Variants in R3HDM2 observed in about 807,000 individuals in gnomAD.
R3HDM2 encodes R3H domain-containing protein 2.
R3HDM2 carries 38 observed loss-of-function variants against 124.5 expected under a neutral mutation model. The ratio of observed to expected loss-of-function variants is 0.31; its 90% confidence interval spans 0.24 to 0.40. The LOEUF (loss-of-function observed/expected upper bound fraction) is 0.40, where lower values mean the gene tolerates loss of function less well. Among genes scored for constraint, R3HDM2 ranks in the 10% least tolerant of loss-of-function variants. The pLI is 1.00. For missense variants in R3HDM2, 869 were observed against 1,236.9 expected (o/e 0.70, Z 4.46); for synonymous variants, 391 against 448.0 (o/e 0.87, Z 1.61).
At chr12:57,355,644 A>C (rs980039625) in intron 2 of R3HDM2, among the ~76,000 whole-genome samples, 33 of 152,214 alleles carry the variant, frequency 2.2e-4, no homozygotes, top group African/African-American at 7.7e-4. Flanking sequence ...TCCAACTTTA[A>C]TCTTCATTTT....
intron 2 of R3HDM2, among the ~76,000 whole-genome samples, chr12:57,395,372 T>C (rs546422504): frequency 1.3e-5 from 2 of 151,376 alleles, no homozygotes; most frequent in African/African-American, 4.8e-5. Flanking sequence ...GGCGTGGTGG[T>C]GCATGCCTGT....
intron 1 of R3HDM2, among the ~76,000 whole-genome samples, chr12:57,403,480 G>A (rs185118182): frequency 1.2e-4 from 18 of 149,550 alleles, no homozygotes; most frequent in Admixed American, 3.3e-4. Flanking sequence ...TGACAAGAGC[G>A]AAACTCAGTC....
intron 1 of R3HDM2, among the ~76,000 whole-genome samples, chr12:57,426,215 G>T (rs542222382): frequency 2.6e-5 from 4 of 152,070 alleles, no homozygotes; most frequent in Non-Finnish European, 5.9e-5. Flanking sequence ...GCGACAGAGC[G>T]AGACTCCATC....
At chr12:57,358,870 A>G (rs1593861857) in intron 2 of R3HDM2, among the ~76,000 whole-genome samples, 1 of 151,276 alleles carries the variant, frequency 6.6e-6, no homozygotes, top group South Asian at 2.1e-4. Flanking sequence ...CCACCTCAGC[A>G]CCCCGAGTAG....
At chr12:57,408,757 T>C (rs1374660461) in intron 1 of R3HDM2, among the ~76,000 whole-genome samples, 2 of 151,894 alleles carry the variant, frequency 1.3e-5, no homozygotes, top group African/African-American at 4.8e-5. Flanking sequence ...ATTTGAAATA[T>C]GATGATCCAT....
chr12:57,382,602 C>T (rs1469510830), intron 2 of R3HDM2, among the ~76,000 whole-genome samples: 10 of 149,856 alleles, frequency 6.7e-5, no homozygotes, highest in Non-Finnish European at 4.4e-5. Context: ...TTTGGGAGGC[C>T]GAGGAGGGCC....
At chr12:57,275,299 A>G (rs1592596668) in intron 14 of R3HDM2, among the ~76,000 whole-genome samples, 2 of 152,180 alleles carry the variant, frequency 1.3e-5, no homozygotes, top group Admixed American at 1.3e-4. Flanking sequence ...TTCATCTCTC[A>G]CCTTATACAA....
chr12:57,362,773 A>G (rs2062107076), intron 2 of R3HDM2, among the ~76,000 whole-genome samples: 1 of 152,176 alleles, frequency 6.6e-6, no homozygotes, highest in Admixed American at 6.5e-5. Flanking sequence ...CAAATAAAAT[A>G]ATATTTTCTC....
intron 1 of R3HDM2, among the ~76,000 whole-genome samples, chr12:57,422,309 C>T (rs768929697): frequency 2.6e-5 from 4 of 152,024 alleles, no homozygotes; most frequent in Non-Finnish European, 5.9e-5. Flanking sequence ...AGACAAAACT[C>T]GAACTTTTTA....
At chr12:57,406,936 A>G (rs952150971) in intron 1 of R3HDM2, among the ~76,000 whole-genome samples, 3 of 152,150 alleles carry the variant, frequency 2.0e-5, no homozygotes, top group Non-Finnish European at 4.4e-5. Context: ...ACGAAGGAAA[A>G]TAAGTGAGGG....
At position 57,284,119 on chromosome 12, in the gene R3HDM2, T is replaced by G; in HGVS notation, c.939-63A>C. 3 of 1,366,544 alleles carry G rather than the reference T, an allele frequency of 2.2e-6. No individual in the cohort carries two copies. In the South Asian group the frequency reaches 3.8e-5, roughly 17 times the overall value. 84.7% of individuals were successfully genotyped at this position (1,366,544 alleles called of 1,614,324 possible). On this transcript the variant is annotated intron_variant, in intron 12 of 23. Coordinates refer to ENST00000402412, the MANE Select transcript of R3HDM2 (RefSeq NM_001394031.1). Reference sequence around the variant, plus strand: ...CCACTTTAGCAGAAGGGCTAGGAGATAATTCATTTCTATTCTCTCAATAAC... The same window carrying G: ...CCACTTTAGCAGAAGGGCTAGGAGAGAATTCATTTCTATTCTCTCAATAAC...
chr12:57,429,604 T>C (rs577726876), intron 1 of R3HDM2, among the ~76,000 whole-genome samples: 1 of 152,200 alleles, frequency 6.6e-6, no homozygotes, highest in African/African-American at 2.4e-5. Flanking sequence ...TCCCAGCTAC[T>C]TGGGGGACTG....
At chr12:57,331,650 C>T (rs1453308309) in intron 2 of R3HDM2, among the ~76,000 whole-genome samples, 4 of 152,026 alleles carry the variant, frequency 2.6e-5, no homozygotes, top group African/African-American at 4.8e-5. Flanking sequence ...TTTTATGGCT[C>T]ACGCCTGTAA....
At chr12:57,347,682 TG>T (rs2060215854) in intron 2 of R3HDM2, among the ~76,000 whole-genome samples, 1 of 152,228 alleles carries the variant, frequency 6.6e-6, no homozygotes, top group South Asian at 2.1e-4. Flanking sequence ...AAATTTCTGC[TG>T]TTTAAGCCAC....
rs187798029 is a variant in R3HDM2 at position 57,253,943 on chromosome 12, A to G, written c.*830T>C. The G allele has an allele frequency of 2.4e-4, 78 of 329,322 alleles. 1 individual carries two copies. The Middle Eastern group carries it at 4.2e-3, about 18-fold the overall frequency. 20.4% of individuals were successfully genotyped at this position (329,322 alleles called of 1,614,324 possible). On this transcript the variant is annotated 3_prime_UTR_variant, in exon 24 of 24. Coordinates refer to ENST00000402412, the MANE Select transcript of R3HDM2 (RefSeq NM_001394031.1). Reference sequence around the variant, plus strand: ...GGCACGAACCTCAAACAAACAATATACAAGTGTTCTGGGGGGGCCAGGGGA... The same window carrying G: ...GGCACGAACCTCAAACAAACAATATGCAAGTGTTCTGGGGGGGCCAGGGGA...
At chr12:57,419,015 ACCTTT>A (rs2069922868) in intron 1 of R3HDM2, among the ~76,000 whole-genome samples, 1 of 151,976 alleles carries the variant, frequency 6.6e-6, no homozygotes, top group Non-Finnish European at 1.5e-5. Flanking sequence ...TCTTCAGTTC[ACCTTT>A]GTCTCATATG....
chr12:57,285,579 G>C (rs1466933442), intron 12 of R3HDM2, among the ~76,000 whole-genome samples: 1 of 152,122 alleles, frequency 6.6e-6, no homozygotes, highest in Non-Finnish European at 1.5e-5. Flanking sequence ...TGGGAAACAA[G>C]AAAGAAGTAT....
intron 2 of R3HDM2, among the ~76,000 whole-genome samples, chr12:57,325,290 C>T (rs2057145889): frequency 1.3e-5 from 2 of 152,154 alleles, no homozygotes; most frequent in African/African-American, 4.8e-5. Flanking sequence ...ATTACAGGCA[C>T]ATACCACCAT....
At position 57,284,006 on chromosome 12, in the gene R3HDM2, G is replaced by A. The variant is rs1403292925; in HGVS notation, c.989C>T (p.Thr330Ile). The change falls in exon 13 of 24, where the codon ACA (threonine) becomes ATA (isoleucine). Residue 330 changes from threonine to isoleucine, a missense_variant. Thr to Ile is a moderately conservative substitution (Grantham distance 89). This residue lies in a region of R3HDM2 where 267 missense variants were observed against 447.7 expected (regional missense o/e 0.60). Coordinates refer to ENST00000402412, the MANE Select transcript of R3HDM2 (RefSeq NM_001394031.1). ...SRTSSSRQSS[T>I]DSELKSLEPR... The stretch of plus-strand genomic sequence containing the variant: ...CTCCAGGGATTTGAGTTCGCTGTCT[G>A]TGCTGCTCTGGCGGCTGCTTGAGGT... The A allele has an allele frequency of 6.2e-7, 1 of 1,613,622 alleles. No homozygotes were observed. The highest frequency in any genetic ancestry group is 1.7e-5 in the Admixed American group (1 of 59,900).
Sources: gnomAD v4.1 joint callset for allele counts (sites outside exome capture counted in the v4.1 genomes callset) on GRCh38, gnomAD v4.1.1 for gene constraint, gnomAD v4.1.1 regional missense constraint, MANE v1.5 for transcripts, NCBI Gene and HGNC (gene_info 2026-07-23, HGNC 2026-07-21) for gene names.